The following EPB41L4B variants were observed in gnomAD, a reference collection of about 807,000 sequenced individuals.
EPB41L4B encodes erythrocyte membrane protein band 4.1 like 4B, also known as band 4.1-like protein 4B.
Under a neutral mutation model 112.5 loss-of-function variants are expected in EPB41L4B, and 30 were observed. The ratio of observed to expected loss-of-function variants is 0.27; its 90% CI spans 0.20 to 0.36. The LOEUF is 0.36. Ranked by LOEUF, EPB41L4B falls within the 10% of genes least tolerant of loss-of-function variation. The pLI is 1.00. For synonymous variants in EPB41L4B, 408 were observed against 439.7 expected (o/e 0.93, Z 0.90); for missense variants, 1,024 against 1,133.3 (o/e 0.90, Z 1.38).
At chr9:109,317,729 G>A (rs966932464) in intron 1 of EPB41L4B, among the ~76,000 whole-genome samples, 16 of 152,222 alleles carry the variant, frequency 1.1e-4, no homozygotes, top group African/African-American at 3.9e-4. Flanking sequence ...AAGCCAGCTT[G>A]GGGTATCACG....
chr9:109,237,902 T>C (rs1293764426), intron 15 of EPB41L4B, among the ~76,000 whole-genome samples: 1 of 151,916 alleles, frequency 6.6e-6, no homozygotes, highest in East Asian at 1.9e-4. Flanking sequence ...GGTTACTAGA[T>C]GGCTGGAGGG....
At chr9:109,179,577 T>C (rs908859) in intron 24 of EPB41L4B, among the ~76,000 whole-genome samples, 132,675 of 152,118 alleles carry the variant, frequency 0.87, 58,032 homozygotes, top group African/African-American at 0.93. Flanking sequence ...TGTGTCCACC[T>C]GGATGTTTCA....
intron 1 of EPB41L4B, among the ~76,000 whole-genome samples, chr9:109,310,557 C>A: frequency 6.6e-6 from 1 of 152,090 alleles, no homozygotes; most frequent in East Asian, 1.9e-4. Flanking sequence ...GCCAACACTG[C>A]GCAACTCAGA....
chr9:109,212,070 G>T (rs1235809054), intron 17 of EPB41L4B, among the ~76,000 whole-genome samples: 3 of 152,022 alleles, frequency 2.0e-5, no homozygotes, highest in Non-Finnish European at 4.4e-5. Context: ...TGACCTCCAG[G>T]GAAATGCTCG....
intron 1 of EPB41L4B, among the ~76,000 whole-genome samples, chr9:109,306,089 A>G (rs1837179906): frequency 6.6e-6 from 1 of 152,188 alleles, no homozygotes; most frequent in African/African-American, 2.4e-5. Context: ...TTTTAAGTCT[A>G]GTTTTGTATT....
intron 5 of EPB41L4B, among the ~76,000 whole-genome samples, chr9:109,263,541 C>A (rs570673909): frequency 6.6e-6 from 1 of 152,350 alleles, no homozygotes; most frequent in South Asian, 2.1e-4. Context: ...CCATATCGAA[C>A]ACTGCCAGCA....
chr9:109,279,365 T>C (rs1411835367), intron 2 of EPB41L4B, among the ~76,000 whole-genome samples: 2 of 151,968 alleles, frequency 1.3e-5, no homozygotes, highest in African/African-American at 4.8e-5. Flanking sequence ...TTCAGGCACA[T>C]GCCACCATGC....
chr9:109,280,677 T>C lies in EPB41L4B; in HGVS notation c.307-756A>G, dbSNP rs569098780. Among the ~76,000 whole-genome samples, 21 of 152,074 alleles carry C rather than the reference T, an allele frequency of 1.4e-4. No individual in the cohort carries two copies. In the South Asian group the frequency reaches 4.2e-3, roughly 30 times the overall value. ...AGAAACCACCACAAGGATACTGAAG[T>C]CTCTGACAAATGAAAAGGCTTCTTA... is the stretch of plus-strand genomic sequence containing the variant. On this transcript the variant is annotated intron_variant, in intron 1 of 25. Transcript: ENST00000374566.
intron 14 of EPB41L4B, among the ~76,000 whole-genome samples, chr9:109,247,182 T>G (rs893042718): frequency 6.6e-6 from 1 of 151,874 alleles, no homozygotes; most frequent in Admixed American, 6.6e-5. Context: ...AGTTTTTTTT[T>G]TTTTTTTTTT....
At chr9:109,190,788 T>G (rs1311059092) in intron 22 of EPB41L4B, among the ~76,000 whole-genome samples, 2 of 152,224 alleles carry the variant, frequency 1.3e-5, no homozygotes, top group African/African-American at 4.8e-5. Flanking sequence ...CCCATCTATA[T>G]GTGAAGGACT....
At chr9:109,259,502 A>T (rs1011957545) in intron 6 of EPB41L4B, among the ~76,000 whole-genome samples, 5 of 152,090 alleles carry the variant, frequency 3.3e-5, no homozygotes, top group Non-Finnish European at 5.9e-5. Flanking sequence ...TCAATTTGCA[A>T]TCTCTGCAGC....
intron 17 of EPB41L4B, among the ~76,000 whole-genome samples, chr9:109,210,077 T>C (rs1475002224): frequency 1.3e-5 from 2 of 149,680 alleles, no homozygotes; most frequent in East Asian, 3.9e-4. Context: ...TTAGCAAATA[T>C]ATATAACCAA....
chr9:109,198,723 C>T (rs2118730106), intron 20 of EPB41L4B, among the ~76,000 whole-genome samples: 1 of 152,278 alleles, frequency 6.6e-6, no homozygotes, highest in South Asian at 2.1e-4. Flanking sequence ...GCCTGGCCAA[C>T]ATGGTGAAAC....
intron 22 of EPB41L4B, among the ~76,000 whole-genome samples, chr9:109,190,087 T>C (rs1420605600): frequency 1.3e-5 from 2 of 152,100 alleles, no homozygotes; most frequent in African/African-American, 2.4e-5. Context: ...AGGCACATAC[T>C]ACCACGCTCG....
chr9:109,195,554 T>A (rs572563583), intron 20 of EPB41L4B, among the ~76,000 whole-genome samples: 44 of 152,320 alleles, frequency 2.9e-4, no homozygotes, highest in Middle Eastern at 3.4e-3. Context: ...GGGTTACACG[T>A]TCATTCACCC....
At chr9:109,302,459 T>C (rs926835936) in intron 1 of EPB41L4B, among the ~76,000 whole-genome samples, 3 of 152,148 alleles carry the variant, frequency 2.0e-5, no homozygotes, top group African/African-American at 4.8e-5. Flanking sequence ...TATCCCCAAA[T>C]ACAGTCACAT....
rs536815329 is a variant in EPB41L4B at position 109,308,329 on chromosome 9, T to C, written c.306+11812A>G. 5.9e-5 allele frequency among the ~76,000 whole-genome samples: 9 copies of C among 152,172 alleles called. No homozygotes were observed. In the East Asian group the frequency reaches 1.6e-3, roughly 26 times the overall value. ...GTGTGCTCTGATCAGATGCTTGAAATAAGACCATTCCCGGTACTAACTGTA... is the reference window on the plus strand; with the variant it reads ...GTGTGCTCTGATCAGATGCTTGAAACAAGACCATTCCCGGTACTAACTGTA... On this transcript the variant is annotated intron_variant, in intron 1 of 25. Transcript: ENST00000374566.
intron 15 of EPB41L4B, among the ~76,000 whole-genome samples, chr9:109,226,670 T>TATATATGAAGA (rs1564278995): frequency 0.068 from 2,262 of 33,068 alleles, 53 homozygotes; most frequent in Non-Finnish European, 0.14. Flanking sequence ...ATATGAAGAA[T>TATATATGAAGA]ATATATATAT....
chr9:109,174,418 T>G lies in EPB41L4B; in HGVS notation c.*136A>C. ...TTCCCATAAAAGTCAAGCCAGAAAT[T>G]GGCTTCAACTAACCATGGAGACCTG... On this transcript the variant is annotated 3_prime_UTR_variant, in exon 26 of 26. Coordinates refer to ENST00000374566, the MANE Select transcript of EPB41L4B (RefSeq NM_019114.5). The G allele has an allele frequency of 1.3e-6, 1 of 755,602 alleles. No homozygotes were observed. The highest frequency in any genetic ancestry group is 2.6e-5 in the East Asian group (1 of 38,092). The allele number at this position is 755,602 out of a possible 1,614,324, so 46.8% of individuals were successfully genotyped here.
Sources: allele counts gnomAD v4.1 joint callset (sites outside exome capture counted in the v4.1 genomes callset), GRCh38; gene constraint gnomAD v4.1.1; transcripts MANE v1.5; gene names NCBI Gene and HGNC (gene_info 2026-07-23, HGNC 2026-07-21).